The following DOT1L variants were observed in gnomAD, a reference collection of about 807,000 sequenced individuals.
DOT1L encodes the protein DOT1 like histone lysine methyltransferase.
A neutral mutation model predicts 153.3 loss-of-function variants in DOT1L; 33 were observed. The observed-to-expected ratio is 0.22, with a 90% confidence interval of 0.16 to 0.29. DOT1L has a LOEUF of 0.29. DOT1L is among the 10% of genes least tolerant of loss of function. The pLI, the probability that DOT1L is intolerant of heterozygous loss-of-function variation, is 1.00. For synonymous variants in DOT1L, 1,135 were observed against 965.1 expected (o/e 1.18, Z -3.26); for missense variants, 1,847 against 2,119.9 (o/e 0.87, Z 2.53).
Position 2,193,845 on chromosome 19 carries a change from C to T in DOT1L, c.588+62C>T. The T allele has an allele frequency of 6.5e-7, 1 of 1,543,204 alleles. No individual in the cohort carries two copies. The highest frequency in any genetic ancestry group is 8.9e-7 in the Non-Finnish European group (1 of 1,129,158). Reference sequence around the variant, plus strand: ...GGGGACCATCAGAGAAAGTGACGCCCTGGGTGCCTGCACCCCACTGCTGTG... The same window carrying T: ...GGGGACCATCAGAGAAAGTGACGCCTTGGGTGCCTGCACCCCACTGCTGTG... On this transcript the variant is annotated intron_variant, in intron 6 of 27. Coordinates refer to ENST00000398665, the MANE Select transcript of DOT1L (RefSeq NM_032482.3). This position sits in a 1 kb window ranked among gnomAD's most constrained non-coding sequence, Gnocchi z 5.9.
At position 2,204,046 on chromosome 19, in the gene DOT1L, T is replaced by G. The variant is rs1259975156; in HGVS notation, c.787+1267T>G. ...AAAACCCAGAGGGTCTGCAGCTGCC[T>G]TCAGCACCAACGCCCCACAACCTGG... On this transcript the variant is annotated intron_variant, in intron 9 of 27. Transcript: ENST00000398665. This position sits in a 1 kb window ranked among gnomAD's most constrained non-coding sequence, Gnocchi z 5.7. Among the ~76,000 whole-genome samples the G allele has an allele frequency of 1.3e-5, 2 of 152,204 alleles. No homozygotes were observed. The highest frequency in any genetic ancestry group is 2.9e-5 in the Non-Finnish European group (2 of 68,042).
At chr19:2,205,923 C>G (rs2023472575) in intron 9 of DOT1L, among the ~76,000 whole-genome samples, 1 of 152,022 alleles carries the variant, frequency 6.6e-6, no homozygotes, top group Admixed American at 6.6e-5. Flanking sequence ...GCTGGAACTT[C>G]TGGCAGTCTG....
In DOT1L at chr19:2,216,340, C is replaced by T. The variant is rs748402066; in HGVS notation, c.1983C>T (p.Ser661=). 3 of 1,605,774 alleles carry T rather than the reference C, an allele frequency of 1.9e-6. No individual in the cohort carries two copies. The highest frequency in any genetic ancestry group is 2.6e-6 in the Non-Finnish European group (3 of 1,174,654). The change falls in exon 20 of 28, where the codon TCC becomes TCT. Residue 661 remains serine, a synonymous_variant. Transcript: ENST00000398665. ...QRQQELLQLK[S]CVPPDDALSL... is the part of the protein sequence containing the mutation. ...AGCAGGAGCTCCTGCAGCTCAAGTC[C>T]TGTGTGCCGCCTGACGACGCCCTGT...
chr19:2,230,750 A>G lies in DOT1L; in HGVS notation c.*958A>G, dbSNP rs1032990502. 3.3e-5 allele frequency: 13 copies of G among 397,276 alleles called. No homozygotes were observed. The highest frequency in any genetic ancestry group is 2.3e-4 in the African/African-American group (11 of 48,630). The allele number at this position is 397,276 out of a possible 1,614,324, so 24.6% of individuals were successfully genotyped here. ...TGAAGAGGAAAGAAAAGCGAGGGGA[A>G]AAAACCTTATTTATTCAAACAGTGC... On this transcript the variant is annotated 3_prime_UTR_variant, in exon 28 of 28. Transcript: ENST00000398665.
chr19:2,200,802 C>CCTCGTCCTCCCCACGCCT (rs879909963), intron 8 of DOT1L, among the ~76,000 whole-genome samples: 1 of 149,694 alleles, frequency 6.7e-6, no homozygotes, highest in African/African-American at 2.5e-5. Context: ...TCCCCGCATT[C>CCTCGTCCTCCCCACGCCT]CTCGTCCTCC....
Position 2,210,845 on chromosome 19 carries a change from C to T in DOT1L, c.1341C>T (p.Ser447=). The T allele has an allele frequency of 1.2e-6, 2 of 1,612,322 alleles. No homozygotes were observed. The highest frequency in any genetic ancestry group is 8.5e-7 in the Non-Finnish European group (1 of 1,179,762). ...HAQTVSQTAA[S]SPQDAYRSPH... ...AGACCGTGTCTCAGACGGCGGCCTCCTCACCCCAGGGTGAGCCGCCCCCAC... is the reference window on the plus strand; with the variant it reads ...AGACCGTGTCTCAGACGGCGGCCTCTTCACCCCAGGGTGAGCCGCCCCCAC... Residue 447 remains serine (S), a synonymous_variant, in exon 14 of 28, where the codon TCC becomes TCT. Transcript: ENST00000398665.
rs780654875 is a variant in DOT1L, at chr19:2,220,469, G to A, written c.2806+247G>A. 100 of 617,750 alleles carry A rather than the reference G, an allele frequency of 1.6e-4. No individual in the cohort carries two copies. The highest frequency in any genetic ancestry group is 2.8e-4 in the Non-Finnish European group (91 of 330,788). 38.3% of individuals were successfully genotyped at this position (617,750 alleles called of 1,614,324 possible). A position where few individuals can be genotyped will look rare whatever the true frequency, so the allele number is the denominator to read the frequency against. On this transcript the variant is annotated intron_variant, in intron 23 of 27. Transcript: ENST00000398665. This position sits in a 1 kb window ranked among gnomAD's most constrained non-coding sequence, Gnocchi z 4.5. ...CCCGACACTGACACCTCCTGCTTGG[G>A]TGTATTAATTCAGCCCGTGAGGTCG...
intron 1 of DOT1L, 75 bp downstream of exon 1, chr19:2,164,340 C>A (rs1306182254): frequency 2.8e-6 from 3 of 1,084,244 alleles, no homozygotes; most frequent in South Asian, 4.6e-5. Context: ...CCCAAACCCC[C>A]CCAAGCCGCG....
At chr19:2,201,661 G>A (rs2023286756) in intron 8 of DOT1L, among the ~76,000 whole-genome samples, 1 of 152,250 alleles carries the variant, frequency 6.6e-6, no homozygotes, top group African/African-American at 2.4e-5. Flanking sequence ...TGGGGTGGTG[G>A]TGGGAGCGCA....
At chr19:2,184,622 C>T (rs2022404956) in intron 2 of DOT1L, among the ~76,000 whole-genome samples, 1 of 152,208 alleles carries the variant, frequency 6.6e-6, no homozygotes, top group Non-Finnish European at 1.5e-5. Context: ...GCTGCTGTCA[C>T]AGCGGCTCAG....
At chr19:2,211,705 A>G in intron 15 of DOT1L, 46 bp from the exon 16 acceptor site, 1 of 1,498,166 alleles carries the variant, frequency 6.7e-7, no homozygotes, top group Non-Finnish European at 9.1e-7. Context: ...CTTCCCTCTC[A>G]GTCTCAGCTG....
chr19:2,179,568 G>T (rs2022128547), intron 1 of DOT1L, among the ~76,000 whole-genome samples: 2 of 152,206 alleles, frequency 1.3e-5, no homozygotes, highest in Admixed American at 1.3e-4. Context: ...AATACTTTGG[G>T]AGGCTGAGGT....
rs1599603963 is a variant in DOT1L, at chr19:2,216,650, G to A, written c.2293G>A (p.Gly765Ser). Residue 765 changes from glycine (G) to serine (S), a missense_variant, in exon 20 of 28, where the codon GGC becomes AGC. Around this residue, in one of 8 missense-constraint regions of DOT1L, gnomAD observed 281 missense variants for 263.6 expected, o/e 1.07. Coordinates refer to ENST00000398665, the MANE Select transcript of DOT1L (RefSeq NM_032482.3). ...CCGGCCGCGCCTGGAGAAGCTGTCT[G>A]GCCTAGCCGCACCCGACTACACTAG... is the stretch of plus-strand genomic sequence containing the variant. The part of the protein sequence containing the change: ...VGRPRLEKLS[G>S]LAAPDYTRLS... 2.5e-6 allele frequency: 4 copies of A among 1,605,166 alleles called. No individual in the cohort carries two copies. The East Asian group carries it at 8.9e-5, about 36-fold the overall frequency.
In DOT1L at chr19:2,170,757, T is replaced by C. The variant is rs553918004; in HGVS notation, c.81+6492T>C. ...GCTCACAGAACTCCCGAGAAACACT[T>C]AGGTCCTTTGGTTAATGATAAAGGA... On this transcript the variant is annotated intron_variant, in intron 1 of 27. Transcript: ENST00000398665. 2.6e-5 allele frequency among the ~76,000 whole-genome samples: 4 copies of C among 152,120 alleles called. No individual in the cohort carries two copies. The South Asian group carries it at 8.3e-4, about 32-fold the overall frequency.
chr19:2,218,595 G>A (rs759235887), intron 22 of DOT1L, among the ~76,000 whole-genome samples: 69 of 151,806 alleles, frequency 4.5e-4, no homozygotes, highest in African/African-American at 8.7e-4. Context: ...GGGTTTCACC[G>A]TGTTAGCCAG....
chr19:2,216,550 G>A lies in DOT1L; in HGVS notation c.2193G>A (p.Ser731=), dbSNP rs1230345074. ...GCGGTGTGCTGAGCCGGCCTTCGTC[G>A]AAGCAGAACACGCCCCAGTACCTGG... ...ELCGVLSRPS[S]KQNTPQYLAS... The change falls in exon 20 of 28, where the codon TCG becomes TCA. Residue 731 remains serine, a synonymous_variant. Coordinates refer to ENST00000398665, the MANE Select transcript of DOT1L (RefSeq NM_032482.3). 2.5e-6 allele frequency: 4 copies of A among 1,610,516 alleles called. No homozygotes were observed. The highest frequency in any genetic ancestry group is 1.1e-5 in the South Asian group (1 of 91,060).
intron 7 of DOT1L, among the ~76,000 whole-genome samples, chr19:2,195,306 T>C (rs1301799070): frequency 1.3e-5 from 2 of 152,140 alleles, no homozygotes; most frequent in African/African-American, 2.4e-5. Flanking sequence ...GGCTCCGCCC[T>C]GGTCCTTTCC....
chr19:2,219,513 T>G (rs892008830), intron 22 of DOT1L, among the ~76,000 whole-genome samples: 1 of 152,186 alleles, frequency 6.6e-6, no homozygotes, highest in African/African-American at 2.4e-5. Context: ...CCGTGCCCAG[T>G]TGATGGACCC....
chr19:2,193,236 G>A lies in DOT1L; in HGVS notation c.494-453G>A, dbSNP rs116172728. Among the ~76,000 whole-genome samples the A allele has an allele frequency of 1.3e-3, 202 of 152,322 alleles. No homozygotes were observed. Among genetic ancestry groups the A allele is most frequent in the African/African-American group, 4.6e-3 (191 of 41,580 alleles). On this transcript the variant is annotated intron_variant, in intron 5 of 27. Coordinates refer to ENST00000398665, the MANE Select transcript of DOT1L (RefSeq NM_032482.3). The surrounding 1 kb of genome is among the most constrained non-coding windows in gnomAD (Gnocchi z 5.9). The stretch of plus-strand genomic sequence containing the variant: ...CACTGCCTCTCCCACCCTACATTGA[G>A]CCTCAGTCAGATCCTGCTCATGAGC...
Sources: gnomAD v4.1 joint callset for allele counts (sites outside exome capture counted in the v4.1 genomes callset) on GRCh38, gnomAD v4.1.1 for gene constraint, gnomAD v4.1.1 regional missense constraint, Gnocchi (gnomAD v3.1) non-coding constraint, MANE v1.5 for transcripts, NCBI Gene and HGNC (gene_info 2026-07-23, HGNC 2026-07-21) for gene names.